The following MALRD1 variants were observed in gnomAD, a reference collection of about 807,000 sequenced individuals.
MALRD1 encodes MAM and LDL receptor class A domain containing 1, also known as MAM and LDL-receptor class A domain-containing protein 1.
A neutral mutation model predicts 242.1 loss-of-function variants in MALRD1; 247 were observed. That is an observed-to-expected ratio of 1.02 (90% CI 0.92 to 1.13). The LOEUF (loss-of-function observed/expected upper bound fraction) is 1.13, where lower values mean the gene tolerates loss of function less well. Among genes scored for constraint, MALRD1 ranks in the 50% most tolerant of loss-of-function variants. The pLI, the probability that MALRD1 is intolerant of heterozygous loss-of-function variation, is 0.00. For missense variants in MALRD1, 2,989 were observed against 2,533.1 expected, an observed-to-expected ratio of 1.18 and a Z score of -3.86; for synonymous variants, 995 against 866.6, an observed-to-expected ratio of 1.15 and a Z score of -2.60.
At chr10:19,519,764 A>C (rs1833795147) in intron 31 of MALRD1, among the ~76,000 whole-genome samples, 1 of 152,188 alleles carries the variant, frequency 6.6e-6, no homozygotes, top group Non-Finnish European at 1.5e-5. Flanking sequence ...GTGCCTTCTC[A>C]AACAACAATA....
Position 19,237,513 on chromosome 10 carries a change from C to CATATATATAT in MALRD1, c.2992-20157_2992-20148dup, listed in dbSNP as rs34727263. On this transcript the variant is annotated intron_variant, in intron 18 of 39. Transcript: ENST00000454679. Reference sequence around the variant, plus strand: ...AATAGTATTTCATTGTGTGTGTGTCCATATATATATATATATATATATAAT... The same window carrying CATATATATAT: ...AATAGTATTTCATTGTGTGTGTGTCCATATATATATATATATATATATATATATATATAAT... 8.1e-3 allele frequency among the ~76,000 whole-genome samples: 918 copies of CATATATATAT among 113,634 alleles called. 17 individuals are homozygous for CATATATATAT. The highest frequency in any genetic ancestry group is 0.03 in the African/African-American group (883 of 29,182). 74.5% of individuals were successfully genotyped at this position (113,634 alleles called of 152,430 possible).
intron 12 of MALRD1, among the ~76,000 whole-genome samples, chr10:19,156,939 G>C (rs547429165): frequency 3.3e-5 from 5 of 152,120 alleles, no homozygotes; most frequent in Admixed American, 6.6e-5. Context: ...TCAAAACCAA[G>C]GCTTCGATCT....
chr10:19,334,056 T>C (rs772074479), intron 24 of MALRD1, among the ~76,000 whole-genome samples: 5 of 151,836 alleles, frequency 3.3e-5, no homozygotes, highest in Non-Finnish European at 7.4e-5. Flanking sequence ...CTTTGTTGTA[T>C]GTATGCGTAG....
At chr10:19,260,944 G>C (rs1839720083) in intron 19 of MALRD1, among the ~76,000 whole-genome samples, 3 of 152,122 alleles carry the variant, frequency 2.0e-5, no homozygotes, top group Non-Finnish European at 4.4e-5. Flanking sequence ...AAAGATATAA[G>C]TAGTGTGGAT....
At chr10:19,217,291 G>T (rs904085422) in intron 18 of MALRD1, among the ~76,000 whole-genome samples, 1 of 152,120 alleles carries the variant, frequency 6.6e-6, no homozygotes, top group African/African-American at 2.4e-5. Flanking sequence ...ACTGATTCCT[G>T]TGTGCCATAA....
intron 14 of MALRD1, among the ~76,000 whole-genome samples, chr10:19,193,189 A>G (rs962032833): frequency 3.3e-5 from 5 of 152,358 alleles, no homozygotes; most frequent in East Asian, 1.9e-4. Context: ...GATCAACAAT[A>G]TAATTGTAAG....
intron 26 of MALRD1, among the ~76,000 whole-genome samples, chr10:19,374,880 G>A (rs1406908032): frequency 6.6e-6 from 1 of 152,076 alleles, no homozygotes; most frequent in Non-Finnish European, 1.5e-5. Flanking sequence ...ATTTTTCTGG[G>A]AAATGGATTT....
chr10:19,591,256 T>G (rs565763155), intron 33 of MALRD1, among the ~76,000 whole-genome samples: 4 of 152,250 alleles, frequency 2.6e-5, no homozygotes, highest in Non-Finnish European at 5.9e-5. Context: ...AATGTTGTTC[T>G]TATTTTACAG....
chr10:19,059,939 T>C (rs144633738), intron 1 of MALRD1, among the ~76,000 whole-genome samples: 86 of 152,268 alleles, frequency 5.6e-4, no homozygotes, highest in African/African-American at 2.1e-3. Context: ...AGTAAGGAAA[T>C]TGAGAATTTG....
intron 2 of MALRD1, among the ~76,000 whole-genome samples, chr10:19,077,132 A>G (rs1835342647): frequency 6.6e-6 from 1 of 151,802 alleles, no homozygotes; most frequent in African/African-American, 2.4e-5. Context: ...TGGTTTTTGT[A>G]TATTGATTTT....
chr10:19,590,357 T>C lies in MALRD1; in HGVS notation c.5681-4837T>C, dbSNP rs1021023166. ...ATATATGTACATATTTTATATAATA[T>C]ATGTATATGTCTATATACATATTTT... On this transcript the variant is annotated intron_variant, in intron 33 of 39. Coordinates refer to ENST00000454679, the MANE Select transcript of MALRD1 (RefSeq NM_001142308.3). 2.0e-5 allele frequency among the ~76,000 whole-genome samples: 3 copies of C among 147,876 alleles called. No individual in the cohort carries two copies. The Admixed American group carries it at 2.0e-4, about 10-fold the overall frequency.
chr10:19,261,923 C>T (rs1165087722), intron 19 of MALRD1, among the ~76,000 whole-genome samples: 2 of 151,914 alleles, frequency 1.3e-5, no homozygotes, highest in African/African-American at 4.8e-5. Flanking sequence ...ATTTCTCGGA[C>T]CTGCTGTTTT....
intron 28 of MALRD1, among the ~76,000 whole-genome samples, chr10:19,393,735 G>T (rs565319476): frequency 6.6e-6 from 1 of 151,780 alleles, no homozygotes; most frequent in Admixed American, 6.6e-5. Flanking sequence ...GATTACAGGC[G>T]TGAGCCACCG....
intron 28 of MALRD1, among the ~76,000 whole-genome samples, chr10:19,418,704 G>A (rs1833604292): frequency 6.6e-6 from 1 of 152,120 alleles, no homozygotes; most frequent in African/African-American, 2.4e-5. Flanking sequence ...AAGCCACATA[G>A]AAGAGATATC....
intron 2 of MALRD1, among the ~76,000 whole-genome samples, chr10:19,068,401 A>G (rs1366978415): frequency 1.3e-5 from 2 of 152,060 alleles, no homozygotes; most frequent in African/African-American, 2.4e-5. Context: ...GGCAGATACC[A>G]TAGAACGATG....
intron 32 of MALRD1, among the ~76,000 whole-genome samples, chr10:19,560,614 A>G (rs1835920304): frequency 6.6e-6 from 1 of 152,256 alleles, no homozygotes; most frequent in South Asian, 2.1e-4. Flanking sequence ...CATATACACC[A>G]TAGAATACTA....
intron 32 of MALRD1, 34 bp downstream of exon 32, chr10:19,531,385 A>G: frequency 6.7e-7 from 1 of 1,495,196 alleles, no homozygotes; most frequent in Non-Finnish European, 9.0e-7. Context: ...ATGATCACTG[A>G]AATATGCATG....
At chr10:19,424,386 CT>C (rs1833827760) in intron 28 of MALRD1, among the ~76,000 whole-genome samples, 1 of 152,154 alleles carries the variant, frequency 6.6e-6, no homozygotes, top group Non-Finnish European at 1.5e-5. Context: ...TCTCGATCTC[CT>C]GACTTCAAGT....
At chr10:19,106,293 G>A (rs973586459) in intron 5 of MALRD1, among the ~76,000 whole-genome samples, 4 of 151,734 alleles carry the variant, frequency 2.6e-5, no homozygotes, top group Non-Finnish European at 5.9e-5. Flanking sequence ...TAGTAGTGAA[G>A]CCATCAGGTT....
Sources: gnomAD v4.1 joint callset for allele counts (sites outside exome capture counted in the v4.1 genomes callset) on GRCh38, gnomAD v4.1.1 for gene constraint, MANE v1.5 for transcripts, NCBI Gene and HGNC (gene_info 2026-07-23, HGNC 2026-07-21) for gene names.